CFAP57: variants seen among roughly 807,000 people sequenced by gnomAD.
CFAP57 encodes the protein cilia- and flagella-associated protein 57.
A neutral mutation model predicts 146.8 loss-of-function variants in CFAP57; 116 were observed. The observed-to-expected ratio is 0.79, with a 90% CI of 0.68 to 0.92. The LOEUF (loss-of-function observed/expected upper bound fraction) is 0.92, where lower values mean the gene tolerates loss of function less well. Ranked by LOEUF, CFAP57 falls within the 40% of genes least tolerant of loss-of-function variation. CFAP57 has a pLI of 0.00. For synonymous variants in CFAP57, 518 were observed against 552.8 expected (o/e 0.94, Z 0.88); for missense variants, 1,377 against 1,527.2 (o/e 0.90, Z 1.64).
intron 22 of CFAP57, among the ~76,000 whole-genome samples, chr1:43,245,581 C>T (rs1219704054): frequency 6.6e-6 from 1 of 151,852 alleles, no homozygotes; most frequent in Non-Finnish European, 1.5e-5. Flanking sequence ...GAGTGGTGAA[C>T]CTAGAAGAAA....
At chr1:43,226,469 G>A (rs903687553) in intron 17 of CFAP57, among the ~76,000 whole-genome samples, 1 of 152,152 alleles carries the variant, frequency 6.6e-6, no homozygotes. Flanking sequence ...CAGTGTAGTT[G>A]GACTTCTTAC....
Position 43,183,860 on chromosome 1 carries a change from C to T in CFAP57, c.744C>T (p.Val248=). 6.2e-7 allele frequency: 1 copy of T among 1,614,068 alleles called. No individual in the cohort carries two copies. Residue 248 remains valine, a synonymous_variant, in exon 4 of 23, where the codon GTC becomes GTT. Coordinates refer to ENST00000372492, the MANE Select transcript of CFAP57 (RefSeq NM_001378189.1). ...CCAATGGCTCAAAGAGCCTGGATGT[C>T]ATTCAGGAATCAGAGAGGTAATGGT... ...EPTNGSKSLD[V]IQESESLIEF... is the part of the protein sequence containing the mutation.
chr1:43,213,127 G>T (rs921518255), intron 11 of CFAP57, among the ~76,000 whole-genome samples: 1 of 151,460 alleles, frequency 6.6e-6, no homozygotes, highest in African/African-American at 2.4e-5. Context: ...TCACTCTGTC[G>T]CCCAGGCTTG....
At chr1:43,191,313 C>T (rs745957724) in intron 6 of CFAP57, among the ~76,000 whole-genome samples, 1 of 152,046 alleles carries the variant, frequency 6.6e-6, no homozygotes, top group Non-Finnish European at 1.5e-5. Flanking sequence ...TTTGGCCGGG[C>T]GTGGTGGCTC....
chr1:43,196,232 AAG>A (rs1282455323), intron 6 of CFAP57, among the ~76,000 whole-genome samples: 1 of 152,134 alleles, frequency 6.6e-6, no homozygotes, highest in Non-Finnish European at 1.5e-5. Context: ...GCAGAGGGGG[AAG>A]AGAGAGCATT....
intron 2 of CFAP57, 120 bp from the exon 3 acceptor site, chr1:43,181,414 C>T (rs1336422711): frequency 5.8e-6 from 7 of 1,203,708 alleles, no homozygotes; most frequent in African/African-American, 4.5e-5. Flanking sequence ...ATGCCAAGGC[C>T]GCCTTTCTTC....
rs1387997504 is a variant in CFAP57 at position 43,254,219 on chromosome 1, C to T, written c.*28C>T. On this transcript the variant is annotated 3_prime_UTR_variant, in exon 23 of 23. Transcript: ENST00000372492. Reference sequence around the variant, plus strand: ...CCCTCTGGTGAGCCATCTCCAGCCACAGCCAGAAGAAACACAGCATGTCTG... The same window carrying T: ...CCCTCTGGTGAGCCATCTCCAGCCATAGCCAGAAGAAACACAGCATGTCTG... 5.2e-6 allele frequency: 8 copies of T among 1,524,866 alleles called. No individual in the cohort carries two copies. In the South Asian group the frequency reaches 8.6e-5, roughly 16 times the overall value. 94.5% of individuals were successfully genotyped at this position (1,524,866 alleles called of 1,614,324 possible).
chr1:43,222,865 G>C lies in CFAP57; in HGVS notation c.2574G>C (p.Glu858Asp). The C allele has an allele frequency of 1.3e-6, 2 of 1,549,994 alleles. No individual in the cohort carries two copies. Among genetic ancestry groups the C allele is most frequent in the South Asian group, 2.4e-5 (2 of 83,930 alleles). The change falls in exon 16 of 23, where the codon GAG becomes GAC. Residue 858 changes from glutamate to aspartate, a missense_variant. By Grantham distance (45) the Glu-to-Asp change is conservative (BLOSUM62 2). Coordinates refer to ENST00000372492, the MANE Select transcript of CFAP57 (RefSeq NM_001378189.1). ...DVRQQLREFE[E>D]TKKQIEEDED... ...GGCAGCAGCTGCGGGAGTTTGAAGA[G>C]ACCAAGAAGCAGATTGAGGAAGATG... is the stretch of plus-strand genomic sequence containing the variant.
intron 21 of CFAP57, among the ~76,000 whole-genome samples, chr1:43,237,591 C>T (rs1645753013): frequency 6.6e-6 from 1 of 152,136 alleles, no homozygotes; most frequent in Non-Finnish European, 1.5e-5. Context: ...GTTTCTGGGG[C>T]AAGGGGCATT....
chr1:43,225,242 A>G (rs1269922288), intron 17 of CFAP57, among the ~76,000 whole-genome samples: 1 of 152,150 alleles, frequency 6.6e-6, no homozygotes, highest in Non-Finnish European at 1.5e-5. Flanking sequence ...GGCAGGGTAC[A>G]GGTGCAATGC....
At chr1:43,229,778 G>A in intron 18 of CFAP57, among the ~76,000 whole-genome samples, 1 of 130,734 alleles carries the variant, frequency 7.6e-6, no homozygotes, top group East Asian at 2.8e-4. Context: ...GGTCTGTCCT[G>A]TATATTGTAG....
intron 9 of CFAP57, among the ~76,000 whole-genome samples, chr1:43,202,520 C>T (rs1285758571): frequency 6.6e-6 from 1 of 152,188 alleles, no homozygotes. Context: ...CAGTCACTCA[C>T]GCCTGTAATC....
intron 22 of CFAP57, among the ~76,000 whole-genome samples, chr1:43,244,746 T>C (rs1470734274): frequency 6.6e-6 from 1 of 151,612 alleles, no homozygotes; most frequent in African/African-American, 2.4e-5. Context: ...CTACTAAAAA[T>C]ACAAAAATTA....
chr1:43,220,723 C>T (rs55974656), intron 13 of CFAP57, among the ~76,000 whole-genome samples: 30,460 of 151,628 alleles, frequency 0.2, 3,379 homozygotes, highest in Middle Eastern at 0.3. Context: ...GGCCCTGTCC[C>T]TCACCCCCTA....
intron 15 of CFAP57, 105 bp downstream of exon 15, chr1:43,222,400 T>G: frequency 9.2e-7 from 1 of 1,083,896 alleles, no homozygotes; most frequent in Non-Finnish European, 1.2e-6. Flanking sequence ...TGTTATACAC[T>G]GGGTCAGACA....
At chr1:43,212,456 G>A (rs629955) in intron 11 of CFAP57, among the ~76,000 whole-genome samples, 115,687 of 152,120 alleles carry the variant, frequency 0.76, 45,404 homozygotes, top group Middle Eastern at 0.9. Context: ...TACCTGTGAT[G>A]TTTTGTTACA....
At chr1:43,193,330 G>A (rs1166899270) in intron 6 of CFAP57, among the ~76,000 whole-genome samples, 2 of 151,832 alleles carry the variant, frequency 1.3e-5, no homozygotes, top group Non-Finnish European at 2.9e-5. Flanking sequence ...TCTTTTGATT[G>A]GATTGTTTAA....
In CFAP57 at chr1:43,219,621, A is replaced by G. The variant is rs1644967381; in HGVS notation, c.2247+84A>G. On this transcript the variant is annotated intron_variant, in intron 13 of 22. Transcript: ENST00000372492. ...AGGACTGGCATATACTGCCCAAGCT[A>G]TGCTCAAACAGTAAGATATGTGAAA... The G allele has an allele frequency of 3.5e-6, 5 of 1,441,324 alleles. No homozygotes were observed. In the South Asian group the frequency reaches 6.2e-5, roughly 18 times the overall value. 89.3% of individuals were successfully genotyped at this position (1,441,324 alleles called of 1,614,324 possible).
intron 10 of CFAP57, among the ~76,000 whole-genome samples, chr1:43,207,499 A>G (rs529409716): frequency 3.3e-5 from 5 of 152,304 alleles, no homozygotes; most frequent in Middle Eastern, 3.4e-3. Flanking sequence ...CACATAGCCT[A>G]GGTGTATAGT....
Sources: gnomAD v4.1 joint callset for allele counts (sites outside exome capture counted in the v4.1 genomes callset) on GRCh38, gnomAD v4.1.1 for gene constraint, MANE v1.5 for transcripts, NCBI Gene and HGNC (gene_info 2026-07-23, HGNC 2026-07-21) for gene names.